Variants in BHLHE40 observed in about 807,000 individuals in gnomAD.
The protein encoded by BHLHE40 is class E basic helix-loop-helix protein 40.
In BHLHE40, 3 loss-of-function variants were observed where a neutral mutation model predicts 35.7. That is an observed-to-expected ratio of 0.08 (90% confidence interval 0.04 to 0.22). The LOEUF (loss-of-function observed/expected upper bound fraction) is 0.22. Among genes scored for constraint, BHLHE40 ranks in the 10% least tolerant of loss-of-function variants. The probability of loss-of-function intolerance (pLI) is 1.00; values close to 1 mark genes in which losing one functional copy is unlikely to be tolerated. For synonymous variants in BHLHE40, 236 were observed against 213.0 expected, an observed-to-expected ratio of 1.11 and a Z score of -0.94; for missense variants, 486 against 524.0, an observed-to-expected ratio of 0.93 and a Z score of 0.71.
Position 4,983,281 on chromosome 3 carries a change from C to G in BHLHE40, c.828C>G (p.Gly276=). The change falls in exon 5 of 5, where the codon GGC becomes GGG. Residue 276 remains glycine (G), a synonymous_variant. Coordinates refer to ENST00000256495, the MANE Select transcript of BHLHE40 (RefSeq NM_003670.3). This position sits in a 1 kb window ranked among gnomAD's most constrained non-coding sequence, Gnocchi z 5.0. ...GRRFTMGERI[G]AIKQESEEPP... ...GGTTCACGATGGGAGAAAGGATCGG[C>G]GCAATTAAGCAAGAGTCCGAAGAAC... 1 of 1,614,116 alleles carries G rather than the reference C, an allele frequency of 6.2e-7. No individual in the cohort carries two copies. Among genetic ancestry groups the G allele is most frequent in the Non-Finnish European group, 8.5e-7 (1 of 1,180,032 alleles).
chr3:4,979,702 C>G lies in BHLHE40; in HGVS notation c.-17C>G, dbSNP rs768885272. 2 of 1,551,304 alleles carry G rather than the reference C, an allele frequency of 1.3e-6. No homozygotes were observed. The highest frequency in any genetic ancestry group is 2.7e-5 in the African/African-American group (2 of 73,038). ...TAGTGCAGACAGGAGCGCGCAGTGG[C>G]CCCGGCTCGCCGCGCCATGGAGCGG... On this transcript the variant is annotated 5_prime_UTR_variant, in exon 1 of 5. Transcript: ENST00000256495.
rs760613919 is a variant in BHLHE40 at position 4,983,089 on chromosome 3, G to A, written c.636G>A (p.Ser212=). The change falls in exon 5 of 5, where the codon TCG becomes TCA. Residue 212 remains serine, a synonymous_variant. Coordinates refer to ENST00000256495, the MANE Select transcript of BHLHE40 (RefSeq NM_003670.3). This position sits in a 1 kb window ranked among gnomAD's most constrained non-coding sequence, Gnocchi z 5.0. Reference sequence around the variant, plus strand: ...AACCCAGCTCTCCGGCCAAAGGTTCGGAAGGTCCTGGGAAAAACTGCGTGC... The same window carrying A: ...AACCCAGCTCTCCGGCCAAAGGTTCAGAAGGTCCTGGGAAAAACTGCGTGC... ...KEKPSSPAKG[S]EGPGKNCVPV... The A allele has an allele frequency of 5.6e-6, 9 of 1,614,070 alleles. No individual in the cohort carries two copies. In the East Asian group the frequency reaches 8.9e-5, roughly 16 times the overall value.
chr3:4,980,078 C>T lies in BHLHE40; in HGVS notation c.150+47C>T, dbSNP rs2053177873. 5 of 1,596,556 alleles carry T rather than the reference C, an allele frequency of 3.1e-6. No homozygotes were observed. The South Asian group carries it at 5.5e-5, about 18-fold the overall frequency. On this transcript the variant is annotated intron_variant, in intron 2 of 4. Transcript: ENST00000256495. ...GACCCTGCGCTCAGCCCCTCGCGCG[C>T]GCTGAGTTTCCAAGAAAAGTTTTCT... is the stretch of plus-strand genomic sequence containing the variant.
In BHLHE40 at chr3:4,984,576, A is replaced by G. The variant is rs3750275; in HGVS notation, c.*884A>G. ...CTGAGTAAAAAGCTGCCCCCTTCAA[A>G]CAGAACTAGACTCAGTTTTCAATTC... On this transcript the variant is annotated 3_prime_UTR_variant, in exon 5 of 5. Transcript: ENST00000256495. The G allele has an allele frequency of 0.14, 21,102 of 152,312 alleles. 1,619 individuals are homozygous for G. Among genetic ancestry groups the G allele is most frequent in the Admixed American group, 0.2 (3,130 of 15,280 alleles). The allele number at this position is 152,312 out of a possible 1,614,324, so 9.4% of individuals were successfully genotyped here.
chr3:4,983,900 C>T lies in BHLHE40; in HGVS notation c.*208C>T, dbSNP rs967437779. 2.3e-5 allele frequency: 15 copies of T among 646,446 alleles called. No homozygotes were observed. Among genetic ancestry groups the T allele is most frequent in the Non-Finnish European group, 3.2e-5 (13 of 400,102 alleles). The allele number at this position is 646,446 out of a possible 1,614,324, so 40.0% of individuals were successfully genotyped here. On this transcript the variant is annotated 3_prime_UTR_variant, in exon 5 of 5. Coordinates refer to ENST00000256495, the MANE Select transcript of BHLHE40 (RefSeq NM_003670.3). This position sits in a 1 kb window ranked among gnomAD's most constrained non-coding sequence, Gnocchi z 5.0. ...TGTGTGCCTGCGTGTTGGTATAGGA[C>T]TTTAAAGCTCCTTTTGGCATAGGGA...
chr3:4,982,454 A>G (rs1260150969), intron 4 of BHLHE40, among the ~76,000 whole-genome samples: 1 of 152,192 alleles, frequency 6.6e-6, no homozygotes, highest in Non-Finnish European at 1.5e-5. Flanking sequence ...GCAATGTTGT[A>G]TGCATTGACT....
Position 4,983,054 on chromosome 3 carries a change from T to A in BHLHE40, c.601T>A (p.Phe201Ile). ...AGACCCAGCTCCCAAAGTGATGGACTTCAAGGAAAAACCCAGCTCTCCGGC... is the reference window on the plus strand; with the variant it reads ...AGACCCAGCTCCCAAAGTGATGGACATCAAGGAAAAACCCAGCTCTCCGGC... ...PSDPAPKVMD[F>I]KEKPSSPAKG... Residue 201 changes from phenylalanine to isoleucine, a missense_variant, in exon 5 of 5, where the codon TTC (phenylalanine) becomes ATC (isoleucine). This residue lies in a region of BHLHE40 where 176 missense variants were observed against 180.5 expected (regional missense o/e 0.98). Transcript: ENST00000256495. The surrounding 1 kb of genome is among the most constrained non-coding windows in gnomAD (Gnocchi z 5.0). 1 of 1,614,122 alleles carries A rather than the reference T, an allele frequency of 6.2e-7. No individual in the cohort carries two copies.
rs1357519104 is a variant in BHLHE40 at position 4,984,824 on chromosome 3, A to C, written c.*1132A>C. The C allele has an allele frequency of 6.6e-6, 1 of 152,610 alleles. No homozygotes were observed. The highest frequency in any genetic ancestry group is 1.5e-5 in the Non-Finnish European group (1 of 68,028). 9.5% of individuals were successfully genotyped at this position (152,610 alleles called of 1,614,324 possible). On this transcript the variant is annotated 3_prime_UTR_variant, in exon 5 of 5. Transcript: ENST00000256495. Reference sequence around the variant, plus strand: ...GCTCCGCAGCAGCTTTTCAAAATGCACTATGCCTGATTGCTGATCGTGTTT... The same window carrying C: ...GCTCCGCAGCAGCTTTTCAAAATGCCCTATGCCTGATTGCTGATCGTGTTT...
Position 4,980,413 on chromosome 3 carries a change from G to A in BHLHE40, c.258+5G>A, listed in dbSNP as rs758904845. ...CCCGAACATCTCAAACTTACAGTAA[G>A]TGAGAAGCTGGCCCCTTTCCAACCC... is the stretch of plus-strand genomic sequence containing the variant. On this transcript the variant is annotated splice_donor_5th_base_variant and intron_variant, in intron 3 of 4. Coordinates refer to ENST00000256495, the MANE Select transcript of BHLHE40 (RefSeq NM_003670.3). 5 of 1,611,786 alleles carry A rather than the reference G, an allele frequency of 3.1e-6. No individual in the cohort carries two copies. The highest frequency in any genetic ancestry group is 4.2e-6 in the Non-Finnish European group (5 of 1,178,056).
chr3:4,983,369 C>T lies in BHLHE40; in HGVS notation c.916C>T (p.Leu306=). 1 of 1,614,178 alleles carries T rather than the reference C, an allele frequency of 6.2e-7. No homozygotes were observed. The highest frequency in any genetic ancestry group is 8.5e-7 in the Non-Finnish European group (1 of 1,180,040). ...TGAAGGCCATTTCACTAGCAGTGAC[C>T]TGATCAGCTCCCCGTTCCTGGGCCC... is the stretch of plus-strand genomic sequence containing the variant. ...DDEGHFTSSD[L]ISSPFLGPHP... The change falls in exon 5 of 5, where the codon CTG becomes TTG. Residue 306 remains leucine (L), a synonymous_variant. Transcript: ENST00000256495. This position sits in a 1 kb window ranked among gnomAD's most constrained non-coding sequence, Gnocchi z 5.0.
Position 4,983,338 on chromosome 3 carries a change from G to A in BHLHE40, c.885G>A (p.Ser295=), listed in dbSNP as rs376825573. 6.2e-7 allele frequency: 1 copy of A among 1,614,152 alleles called. No individual in the cohort carries two copies. Among genetic ancestry groups the A allele is most frequent in the Non-Finnish European group, 8.5e-7 (1 of 1,180,032 alleles). Residue 295 remains serine (S), a synonymous_variant, in exon 5 of 5, where the codon TCG becomes TCA. Coordinates refer to ENST00000256495, the MANE Select transcript of BHLHE40 (RefSeq NM_003670.3). This position sits in a 1 kb window ranked among gnomAD's most constrained non-coding sequence, Gnocchi z 5.0. ...PPTKKNRMQL[S]DDEGHFTSSD... The stretch of plus-strand genomic sequence containing the variant: ...CAAAAAAGAACCGGATGCAGCTTTC[G>A]GATGATGAAGGCCATTTCACTAGCA...
chr3:4,979,548 A>G lies in BHLHE40; in HGVS notation c.-171A>G, dbSNP rs2053169852. 1.0e-5 allele frequency: 7 copies of G among 691,742 alleles called. No homozygotes were observed. The highest frequency in any genetic ancestry group is 1.4e-5 in the Non-Finnish European group (6 of 417,958). 42.9% of individuals were successfully genotyped at this position (691,742 alleles called of 1,614,324 possible). On this transcript the variant is annotated 5_prime_UTR_variant, in exon 1 of 5. Transcript: ENST00000256495. ...GGACACCGGGCCATGCACGCCCCCA[A>G]CTGAAGCTGCATCTCAAAGCCGAAG...
chr3:4,979,561 C>A lies in BHLHE40; in HGVS notation c.-158C>A. 1 of 777,392 alleles carries A rather than the reference C, an allele frequency of 1.3e-6. No homozygotes were observed. Among genetic ancestry groups the A allele is most frequent in the South Asian group, 1.8e-5 (1 of 55,150 alleles). 48.2% of individuals were successfully genotyped at this position (777,392 alleles called of 1,614,324 possible). A position where few individuals can be genotyped will look rare whatever the true frequency, so the allele number is the denominator to read the frequency against. ...TGCACGCCCCCAACTGAAGCTGCAT[C>A]TCAAAGCCGAAGATTCCAGCAGCCC... On this transcript the variant is annotated 5_prime_UTR_variant, in exon 1 of 5. Transcript: ENST00000256495.
chr3:4,983,238 A>G lies in BHLHE40; in HGVS notation c.785A>G (p.Lys262Arg). 2 of 1,614,252 alleles carry G rather than the reference A, an allele frequency of 1.2e-6. No homozygotes were observed. Among genetic ancestry groups the G allele is most frequent in the Non-Finnish European group, 1.7e-6 (2 of 1,180,046 alleles). ...GDLRSEQPCF[K>R]SDHGRRFTMG... ...TTGCGCAGTGAGCAGCCGTGCTTCA[A>G]AAGTGACCACGGACGCAGGTTCACG... The change falls in exon 5 of 5, where the codon AAA becomes AGA. Residue 262 changes from lysine to arginine, a missense_variant. By Grantham distance (26) the Lys-to-Arg change is conservative. This residue lies in a region of BHLHE40 where 206 missense variants were observed against 208.9 expected (regional missense o/e 0.99). Transcript: ENST00000256495. This position sits in a 1 kb window ranked among gnomAD's most constrained non-coding sequence, Gnocchi z 5.0.
chr3:4,983,375 A>G lies in BHLHE40; in HGVS notation c.922A>G (p.Ser308Gly), dbSNP rs1467537330. ...EGHFTSSDLI[S>G]SPFLGPHPHQ... ...CCATTTCACTAGCAGTGACCTGATC[A>G]GCTCCCCGTTCCTGGGCCCACACCC... The change falls in exon 5 of 5, where the codon AGC becomes GGC. Residue 308 changes from serine to glycine, a missense_variant. Ser to Gly is a moderately conservative substitution (Grantham distance 56). Transcript: ENST00000256495. The surrounding 1 kb of genome is among the most constrained non-coding windows in gnomAD (Gnocchi z 5.0). 2 of 1,614,156 alleles carry G rather than the reference A, an allele frequency of 1.2e-6. No individual in the cohort carries two copies. Among genetic ancestry groups the G allele is most frequent in the Admixed American group, 1.7e-5 (1 of 60,016 alleles).
intron 3 of BHLHE40, 103 bp downstream of exon 3, chr3:4,980,511 C>A: frequency 1.1e-6 from 1 of 925,116 alleles, no homozygotes; most frequent in Middle Eastern, 2.2e-4. Context: ...ACCAGACTGG[C>A]GGATCAGAGC....
Position 4,983,692 on chromosome 3 carries a change from A to G in BHLHE40, c.1239A>G (p.Ter413=). Residue 413 remains the stop codon, a stop_retained_variant, in exon 5 of 5, where the codon TAA becomes TAG. Transcript: ENST00000256495. The surrounding 1 kb of genome is among the most constrained non-coding windows in gnomAD (Gnocchi z 5.0). The stretch of plus-strand genomic sequence containing the variant: ...CTTTAAACTTAGAAACCAAAGACTA[A>G]ACTCTCTAGGGGATCCTGCTGCTTT... ...IPPLNLETKD[*] is the part of the protein sequence containing the mutation. 6.2e-7 allele frequency: 1 copy of G among 1,600,972 alleles called. No individual in the cohort carries two copies. Among genetic ancestry groups the G allele is most frequent in the South Asian group, 1.1e-5 (1 of 90,274 alleles).
chr3:4,982,773 T>C (rs1225370139), intron 4 of BHLHE40, 63 bp from the exon 5 acceptor site: 2 of 1,583,494 alleles, frequency 1.3e-6, no homozygotes, highest in Non-Finnish European at 8.6e-7. Flanking sequence ...TTTTTTGGAG[T>C]ATAGTTTCCA....
chr3:4,983,407 G>T lies in BHLHE40; in HGVS notation c.954G>T (p.Gln318His). The T allele has an allele frequency of 6.2e-7, 1 of 1,614,126 alleles. No homozygotes were observed. Among genetic ancestry groups the T allele is most frequent in the Non-Finnish European group, 8.5e-7 (1 of 1,180,032 alleles). The change falls in exon 5 of 5, where the codon CAG (glutamine) becomes CAT (histidine). Residue 318 changes from glutamine to histidine, a missense_variant. Transcript: ENST00000256495. The surrounding 1 kb of genome is among the most constrained non-coding windows in gnomAD (Gnocchi z 5.0). ...CGTTCCTGGGCCCACACCCACACCA[G>T]CCTCCTTTCTGCCTGCCCTTCTACC... Reference protein sequence around the residue: ...SSPFLGPHPHQPPFCLPFYLI... With the variant: ...SSPFLGPHPHHPPFCLPFYLI...
Sources: gnomAD v4.1 joint callset for allele counts (sites outside exome capture counted in the v4.1 genomes callset) on GRCh38, gnomAD v4.1.1 for gene constraint, gnomAD v4.1.1 regional missense constraint, Gnocchi (gnomAD v3.1) non-coding constraint, MANE v1.5 for transcripts, NCBI Gene and HGNC (gene_info 2026-07-23, HGNC 2026-07-21) for gene names.